MATN2: variants seen among roughly 807,000 people sequenced by gnomAD.
The protein encoded by MATN2 is matrilin 2, also known as matrilin-2.
Under a neutral mutation model 103.2 loss-of-function variants are expected in MATN2, and 69 were observed. The ratio of observed to expected loss-of-function variants is 0.67; its 90% CI spans 0.55 to 0.82. MATN2 has a LOEUF of 0.82. MATN2 is among the 40% of genes least tolerant of loss of function. MATN2 has a pLI of 0.00. For missense variants in MATN2, 1,023 were observed against 1,211.5 expected (o/e 0.84, Z 2.31); for synonymous variants, 429 against 450.2 (o/e 0.95, Z 0.60).
chr8:97,988,171 A>AAATATATATAT (rs1252963740), intron 6 of MATN2, among the ~76,000 whole-genome samples: 4 of 46,114 alleles, frequency 8.7e-5, no homozygotes, highest in African/African-American at 3.8e-4. Flanking sequence ...AAAAAAAAAA[A>AAATATATATAT]ATATATATAT....
chr8:97,955,440 A>G (rs1242301755), intron 4 of MATN2, among the ~76,000 whole-genome samples: 1 of 152,198 alleles, frequency 6.6e-6, no homozygotes, highest in Non-Finnish European at 1.5e-5. Flanking sequence ...CATGACTTTC[A>G]AGTTTCTGTT....
At chr8:98,014,297 G>GA (rs34821398) in intron 10 of MATN2, among the ~76,000 whole-genome samples, 18 of 149,982 alleles carry the variant, frequency 1.2e-4, no homozygotes, top group African/African-American at 2.7e-4. Flanking sequence ...ACGGTAGGGG[G>GA]AAAAAAAAAC....
At chr8:98,002,069 C>A (rs1368623090) in intron 7 of MATN2, among the ~76,000 whole-genome samples, 3 of 152,180 alleles carry the variant, frequency 2.0e-5, no homozygotes, top group Non-Finnish European at 4.4e-5. Flanking sequence ...TTTCCCGCAA[C>A]ACCAGTCTCA....
chr8:97,884,082 A>G (rs1283748256), intron 1 of MATN2, among the ~76,000 whole-genome samples: 1 of 152,082 alleles, frequency 6.6e-6, no homozygotes, highest in African/African-American at 2.4e-5. Context: ...TCTGTCTAAT[A>G]TACATTAAGT....
intron 2 of MATN2, among the ~76,000 whole-genome samples, chr8:97,921,994 T>TCA (rs1184027017): frequency 6.6e-6 from 1 of 152,206 alleles, no homozygotes; most frequent in Non-Finnish European, 1.5e-5. Context: ...CATTCCGTTC[T>TCA]CACACAAGCG....
chr8:97,901,638 C>G (rs1818986967), intron 2 of MATN2, among the ~76,000 whole-genome samples: 1 of 152,222 alleles, frequency 6.6e-6, no homozygotes, highest in Admixed American at 6.5e-5. Context: ...CTACAGTGTA[C>G]AAGGCTTTGC....
At chr8:98,014,977 G>A (rs545423558) in intron 10 of MATN2, among the ~76,000 whole-genome samples, 2 of 152,220 alleles carry the variant, frequency 1.3e-5, no homozygotes, top group East Asian at 3.9e-4. Context: ...CTTATAAAAA[G>A]TCACCACTCA....
At chr8:98,003,105 T>C (rs1812840030) in intron 7 of MATN2, among the ~76,000 whole-genome samples, 1 of 151,708 alleles carries the variant, frequency 6.6e-6, no homozygotes, top group South Asian at 2.1e-4. Flanking sequence ...TCCCTGGGCG[T>C]TTGTGTTCAC....
At chr8:97,910,208 C>T (rs765109497) in intron 2 of MATN2, among the ~76,000 whole-genome samples, 1 of 151,986 alleles carries the variant, frequency 6.6e-6, no homozygotes, top group Non-Finnish European at 1.5e-5. Flanking sequence ...ACTACAGGGG[C>T]GTGCCACCAC....
intron 1 of MATN2, among the ~76,000 whole-genome samples, chr8:97,877,965 T>C (rs1029104238): frequency 1.3e-5 from 2 of 152,106 alleles, no homozygotes; most frequent in African/African-American, 4.8e-5. Flanking sequence ...CACCCAGGAT[T>C]TCGGGATGAC....
chr8:97,953,937 G>T (rs1284662320), intron 4 of MATN2, among the ~76,000 whole-genome samples: 4 of 152,178 alleles, frequency 2.6e-5, no homozygotes, highest in Non-Finnish European at 4.4e-5. Flanking sequence ...ACTCTAGCCT[G>T]GGTGACAGAG....
intron 13 of MATN2, 102 bp downstream of exon 13, chr8:98,021,429 A>C: frequency 7.8e-7 from 1 of 1,283,632 alleles, no homozygotes; most frequent in African/African-American, 1.5e-5. Flanking sequence ...CTTCTCCCAT[A>C]AATATAAATG....
intron 2 of MATN2, among the ~76,000 whole-genome samples, chr8:97,918,747 G>C (rs1809716774): frequency 6.6e-6 from 1 of 152,070 alleles, no homozygotes; most frequent in African/African-American, 2.4e-5. Context: ...AGGGTAACAG[G>C]GCTCTTCACT....
intron 4 of MATN2, among the ~76,000 whole-genome samples, chr8:97,944,131 G>A (rs1314747597): frequency 2.0e-5 from 3 of 152,210 alleles, no homozygotes; most frequent in Non-Finnish European, 4.4e-5. Context: ...GCGGAGGAGG[G>A]CTAGGAGCTC....
At chr8:97,892,556 T>C (rs1233278570) in intron 2 of MATN2, among the ~76,000 whole-genome samples, 1 of 152,200 alleles carries the variant, frequency 6.6e-6, no homozygotes, top group Non-Finnish European at 1.5e-5. Context: ...CGTTAGATTA[T>C]ATGAAAATGC....
Position 98,036,540 on chromosome 8 carries a change from T to C in MATN2, c.*828T>C, listed in dbSNP as rs909597422. 2 of 152,242 alleles carry C rather than the reference T, an allele frequency of 1.3e-5. No individual in the cohort carries two copies. Among genetic ancestry groups the C allele is most frequent in the African/African-American group, 4.8e-5 (2 of 41,532 alleles). The allele number at this position is 152,242 out of a possible 1,614,324, so 9.4% of individuals were successfully genotyped here. On this transcript the variant is annotated 3_prime_UTR_variant, in exon 19 of 19. Transcript: ENST00000254898. ...ACTGCACTCAGTTGATTTCAGCCCA[T>C]ACATACAAAGAGACCTGCATAAGAA...
At chr8:97,927,944 A>G (rs1427511485) in intron 2 of MATN2, among the ~76,000 whole-genome samples, 1 of 152,170 alleles carries the variant, frequency 6.6e-6, no homozygotes, top group African/African-American at 2.4e-5. Flanking sequence ...CCCTCCCTTC[A>G]AAGGTGCCTT....
intron 6 of MATN2, among the ~76,000 whole-genome samples, chr8:97,988,171 A>AAAAAAAAATATATAT (rs1252963740): frequency 2.2e-5 from 1 of 46,118 alleles, no homozygotes; most frequent in African/African-American, 1.3e-4. Context: ...AAAAAAAAAA[A>AAAAAAAAATATATAT]ATATATATAT....
intron 17 of MATN2, 50 bp downstream of exon 17, chr8:98,033,226 G>A (rs6985709): frequency 0.18 from 263,346 of 1,501,884 alleles, 27,641 homozygotes; most frequent in African/African-American, 0.49. Flanking sequence ...TCAGCCTTTC[G>A]GCTTGCCAAC....
Sources: allele counts gnomAD v4.1 joint callset (sites outside exome capture counted in the v4.1 genomes callset), GRCh38; gene constraint gnomAD v4.1.1; transcripts MANE v1.5; gene names NCBI Gene and HGNC (gene_info 2026-07-23, HGNC 2026-07-21).